Variants in VDAC1 observed in about 807,000 individuals in gnomAD.
VDAC1 encodes non-selective voltage-gated ion channel VDAC1.
VDAC1 carries 10 observed loss-of-function variants against 34.7 expected under a neutral mutation model. That is an observed-to-expected ratio of 0.29 (90% CI 0.18 to 0.49). The LOEUF (loss-of-function observed/expected upper bound fraction) is 0.49, where lower values mean the gene tolerates loss of function less well. VDAC1 is among the 20% of genes least tolerant of loss of function. The probability of loss-of-function intolerance (pLI) is 0.99; values close to 1 mark genes in which losing one functional copy is unlikely to be tolerated. For missense variants in VDAC1, 230 were observed against 347.9 expected (o/e 0.66, Z 2.69); for synonymous variants, 130 against 136.0 (o/e 0.96, Z 0.30).
At chr5:134,051,081 C>T in the VDAC1 span, among the ~76,000 whole-genome samples, 1 of 152,228 alleles carries the variant, frequency 6.6e-6, no homozygotes, top group South Asian at 2.1e-4. Context: ...AAATCCACCC[C>T]ATGCCCTCCA....
the VDAC1 span, among the ~76,000 whole-genome samples, chr5:134,027,379 G>A: frequency 6.6e-6 from 1 of 152,212 alleles, no homozygotes; most frequent in Non-Finnish European, 1.5e-5. Flanking sequence ...CGAGCAGCAA[G>A]GTGTGCAGGC....
intron 5 of VDAC1, among the ~76,000 whole-genome samples, chr5:133,990,496 G>A (rs934490142): frequency 7.9e-5 from 12 of 152,124 alleles, no homozygotes; most frequent in Admixed American, 2.0e-4. Flanking sequence ...TACAAAACAC[G>A]GCTAAACACT....
the VDAC1 span, among the ~76,000 whole-genome samples, chr5:134,027,767 CT>C: frequency 8.2e-4 from 99 of 120,648 alleles, no homozygotes; most frequent in Admixed American, 1.9e-3. Flanking sequence ...ATCTTGCCTA[CT>C]TTTTTTTTTT....
the VDAC1 span, among the ~76,000 whole-genome samples, chr5:134,039,209 G>C: frequency 6.6e-6 from 1 of 152,156 alleles, no homozygotes; most frequent in African/African-American, 2.4e-5. Flanking sequence ...ACAGTGATTC[G>C]CAACCCTGGC....
At chr5:134,010,969 C>T in the VDAC1 span, among the ~76,000 whole-genome samples, 101 of 144,216 alleles carry the variant, frequency 7.0e-4, 1 homozygote, top group Middle Eastern at 7.2e-3. Context: ...CCCCCATTCC[C>T]TTTTTTTTTT....
chr5:134,054,642 G>A, the VDAC1 span, among the ~76,000 whole-genome samples: 11 of 151,678 alleles, frequency 7.3e-5, no homozygotes, highest in East Asian at 2.1e-3. Context: ...TTGTATTTTT[G>A]TACAGACAGG....
the VDAC1 span, among the ~76,000 whole-genome samples, chr5:134,085,439 C>T: frequency 9.7e-4 from 148 of 152,130 alleles, 2 homozygotes; most frequent in Middle Eastern, 3.4e-3. Context: ...TTTGAACATG[C>T]CTGGTCTCTT....
At chr5:134,013,608 G>A in the VDAC1 span, among the ~76,000 whole-genome samples, 3 of 152,256 alleles carry the variant, frequency 2.0e-5, no homozygotes, top group South Asian at 6.2e-4. Flanking sequence ...TATAAGGAAT[G>A]TAAACAATTC....
intron 2 of VDAC1, 66 bp downstream of exon 2, chr5:133,992,880 G>T: frequency 2.7e-6 from 4 of 1,504,474 alleles, no homozygotes; most frequent in East Asian, 2.3e-5. Flanking sequence ...AACAGTTATC[G>T]GTAAAGTCTC....
At chr5:133,992,503 G>A (rs528807969) in intron 2 of VDAC1, 148 bp from the exon 3 acceptor site, 17 of 517,626 alleles carry the variant, frequency 3.3e-5, no homozygotes, top group South Asian at 1.2e-4. Context: ...GCTGCTGCTC[G>A]TGGGGGGAGC....
At chr5:133,984,569 G>A (rs886152510) in intron 5 of VDAC1, among the ~76,000 whole-genome samples, 1 of 152,118 alleles carries the variant, frequency 6.6e-6, no homozygotes, top group Non-Finnish European at 1.5e-5. Flanking sequence ...ACAGGCGTGA[G>A]CCACCTTGCC....
chr5:134,018,795 G>A, the VDAC1 span, among the ~76,000 whole-genome samples: 1 of 152,198 alleles, frequency 6.6e-6, no homozygotes, highest in Non-Finnish European at 1.5e-5. Context: ...AGCATGCTCA[G>A]CTGGATCTCT....
chr5:134,084,776 T>A, the VDAC1 span, among the ~76,000 whole-genome samples: 1 of 152,276 alleles, frequency 6.6e-6, no homozygotes, highest in African/African-American at 2.4e-5. Flanking sequence ...GGGGTTAGGC[T>A]GATGCAAATC....
intron 5 of VDAC1, among the ~76,000 whole-genome samples, chr5:133,990,449 G>C (rs1753063638): frequency 6.6e-6 from 1 of 152,220 alleles, no homozygotes; most frequent in Non-Finnish European, 1.5e-5. Context: ...CTCCATGGCA[G>C]AAACTAGGAG....
chr5:134,108,906 T>C, the VDAC1 span, among the ~76,000 whole-genome samples: 2 of 152,146 alleles, frequency 1.3e-5, no homozygotes, highest in Non-Finnish European at 2.9e-5. Flanking sequence ...TTAATCCCTC[T>C]TCTCTCCTAG....
At chr5:134,003,056 G>C (rs914643706) in intron 1 of VDAC1, among the ~76,000 whole-genome samples, 7 of 151,754 alleles carry the variant, frequency 4.6e-5, no homozygotes, top group African/African-American at 1.7e-4. Flanking sequence ...TACTCAATAA[G>C]CACCTACTAT....
chr5:134,064,979 C>T, the VDAC1 span, among the ~76,000 whole-genome samples: 1 of 152,060 alleles, frequency 6.6e-6, no homozygotes, highest in African/African-American at 2.4e-5. Context: ...CTCAGCCTTC[C>T]AAAGTGCTGG....
chr5:134,103,374 C>T, the VDAC1 span, among the ~76,000 whole-genome samples: 1 of 152,262 alleles, frequency 6.6e-6, no homozygotes, highest in East Asian at 1.9e-4. Context: ...CCGGCCACCT[C>T]GGCCTCCCAA....
the VDAC1 span, among the ~76,000 whole-genome samples, chr5:134,079,428 G>A: frequency 1.2e-4 from 18 of 152,286 alleles, no homozygotes; most frequent in African/African-American, 2.6e-4. Flanking sequence ...AGGGAGGAGC[G>A]GGAGGATTTG....
Sources: gnomAD v4.1 joint callset for allele counts (sites outside exome capture counted in the v4.1 genomes callset) on GRCh38, gnomAD v4.1.1 for gene constraint, MANE v1.5 for transcripts, NCBI Gene and HGNC (gene_info 2026-07-23, HGNC 2026-07-21) for gene names.